The following LRP6 variants were observed in gnomAD, a reference collection of about 807,000 sequenced individuals.
LRP6 encodes the protein LDL receptor related protein 6.
Under a neutral mutation model 184.1 loss-of-function variants are expected in LRP6, and 43 were observed. That is an observed-to-expected ratio of 0.23 (90% CI 0.18 to 0.30). The LOEUF (loss-of-function observed/expected upper bound fraction) is 0.30. Ranked by LOEUF, LRP6 falls within the 10% of genes least tolerant of loss-of-function variation. The pLI is 1.00. For synonymous variants in LRP6, 719 were observed against 684.9 expected (o/e 1.05, Z -0.78); for missense variants, 1,571 against 2,005.3 (o/e 0.78, Z 4.14).
At chr12:12,238,832 T>C (rs1021498597) in intron 2 of LRP6, among the ~76,000 whole-genome samples, 2 of 152,064 alleles carry the variant, frequency 1.3e-5, no homozygotes, top group African/African-American at 4.8e-5. Context: ...AATAAGAAAT[T>C]GCTACACTGA....
At chr12:12,157,263 T>G (rs544947681) in intron 12 of LRP6, among the ~76,000 whole-genome samples, 1 of 152,068 alleles carries the variant, frequency 6.6e-6, no homozygotes, top group East Asian at 1.9e-4. Context: ...ACAGAACTCA[T>G]TAACAACTTC....
intron 16 of LRP6, 29 bp from the exon 17 acceptor site, chr12:12,135,329 G>A (rs371740508): frequency 1.6e-5 from 25 of 1,559,310 alleles, no homozygotes; most frequent in Admixed American, 5.0e-5. Flanking sequence ...AGGATGGGGA[G>A]AGGAGGGGGA....
At position 12,239,191 on chromosome 12, in the gene LRP6, G is replaced by C. The variant is rs973053419; in HGVS notation, c.449+5071C>G. Among the ~76,000 whole-genome samples, 7 of 152,296 alleles carry C rather than the reference G, an allele frequency of 4.6e-5. No individual in the cohort carries two copies. The East Asian group carries it at 1.4e-3, about 29-fold the overall frequency. Reference sequence around the variant, plus strand: ...AACAGAACATCCTTCAAAACTGTAAGTTGTTTACACCAAGATCCTTCATAC... The same window carrying C: ...AACAGAACATCCTTCAAAACTGTAACTTGTTTACACCAAGATCCTTCATAC... On this transcript the variant is annotated intron_variant, in intron 2 of 22. Transcript: ENST00000261349.
intron 3 of LRP6, among the ~76,000 whole-genome samples, chr12:12,191,598 CAAT>C (rs1242770546): frequency 6.6e-6 from 1 of 151,942 alleles, no homozygotes. Context: ...TTCCTACAGA[CAAT>C]AAAAAAGTAT....
intron 2 of LRP6, among the ~76,000 whole-genome samples, chr12:12,219,898 A>C (rs1273698299): frequency 6.6e-6 from 1 of 152,212 alleles, no homozygotes; most frequent in Non-Finnish European, 1.5e-5. Context: ...CGTAGAGGTC[A>C]AAGAGGAAGC....
intron 3 of LRP6, among the ~76,000 whole-genome samples, chr12:12,197,809 C>T (rs1276367041): frequency 2.0e-5 from 3 of 152,148 alleles, no homozygotes; most frequent in Admixed American, 6.5e-5. Context: ...TTTGGTAGGC[C>T]GAGACAGGTG....
At chr12:12,189,172 A>G (rs2137009910) in intron 3 of LRP6, among the ~76,000 whole-genome samples, 1 of 152,338 alleles carries the variant, frequency 6.6e-6, no homozygotes, top group African/African-American at 2.4e-5. Flanking sequence ...ATAAACTTAG[A>G]ACTCAGAGGT....
intron 7 of LRP6, among the ~76,000 whole-genome samples, chr12:12,175,830 T>C (rs7305037): frequency 0.39 from 59,831 of 151,532 alleles, 14,327 homozygotes; most frequent in East Asian, 0.72. Context: ...AACACACTGA[T>C]TTTGTCAATC....
intron 2 of LRP6, among the ~76,000 whole-genome samples, chr12:12,222,546 G>A (rs1481150085): frequency 1.4e-5 from 2 of 145,924 alleles, no homozygotes; most frequent in African/African-American, 2.5e-5. Flanking sequence ...CAGCCTGGGC[G>A]AGAAAGCAAG....
At chr12:12,262,040 C>T (rs373597779) in intron 1 of LRP6, among the ~76,000 whole-genome samples, 3 of 152,104 alleles carry the variant, frequency 2.0e-5, no homozygotes, top group East Asian at 1.9e-4. Context: ...GTCAGGAGTT[C>T]GAGACCAGCC....
At chr12:12,149,792 A>AT (rs1271772904) in intron 13 of LRP6, among the ~76,000 whole-genome samples, 3 of 152,244 alleles carry the variant, frequency 2.0e-5, no homozygotes, top group South Asian at 2.1e-4. Context: ...TACACATGCA[A>AT]TTTTTTTACA....
At chr12:12,122,877 A>G (rs767564487) in intron 22 of LRP6, among the ~76,000 whole-genome samples, 1 of 152,094 alleles carries the variant, frequency 6.6e-6, no homozygotes, top group African/African-American at 2.4e-5. Flanking sequence ...GCTGCCAGAG[A>G]CCAAAAGTTA....
At position 12,230,591 on chromosome 12, in the gene LRP6, A is replaced by G. The variant is rs7133893; in HGVS notation, c.449+13671T>C. On this transcript the variant is annotated intron_variant, in intron 2 of 22. Coordinates refer to ENST00000261349, the MANE Select transcript of LRP6 (RefSeq NM_002336.3). ...TACTTATATAATCCTATCCATAATTAAAATAAGTCATTAATATACATATTA... is the reference window on the plus strand; with the variant it reads ...TACTTATATAATCCTATCCATAATTGAAATAAGTCATTAATATACATATTA... 6.1e-3 allele frequency among the ~76,000 whole-genome samples: 923 copies of G among 152,334 alleles called. 6 individuals are homozygous for G. The highest frequency in any genetic ancestry group is 0.021 in the African/African-American group (876 of 41,570).
At chr12:12,125,864 A>G (rs570408835) in intron 20 of LRP6, among the ~76,000 whole-genome samples, 2 of 152,374 alleles carry the variant, frequency 1.3e-5, no homozygotes, top group East Asian at 3.9e-4. Flanking sequence ...TCTAATGAAT[A>G]TAAATGTTGC....
At chr12:12,164,130 A>T in intron 9 of LRP6, 143 bp downstream of exon 9, 5 of 548,448 alleles carry the variant, frequency 9.1e-6, no homozygotes, top group Admixed American at 3.7e-5. Flanking sequence ...ACACCGTTTA[A>T]AAAAAAAAAA....
At chr12:12,152,858 T>C (rs1235372858) in intron 12 of LRP6, among the ~76,000 whole-genome samples, 6 of 152,220 alleles carry the variant, frequency 3.9e-5, no homozygotes, top group African/African-American at 1.4e-4. Context: ...AAATGAATAC[T>C]GGCTTAAATC....
At chr12:12,183,218 TAGA>T (rs1402116352) in intron 5 of LRP6, among the ~76,000 whole-genome samples, 26 of 152,284 alleles carry the variant, frequency 1.7e-4, no homozygotes, top group African/African-American at 6.0e-4. Context: ...TTTTCAGAGT[TAGA>T]TAAAGAAGCC....
At chr12:12,148,829 G>A in intron 14 of LRP6, 113 bp downstream of exon 14, 1 of 816,160 alleles carries the variant, frequency 1.2e-6, no homozygotes. Flanking sequence ...AGAGAATATT[G>A]AATTGTTTGC....
intron 15 of LRP6, among the ~76,000 whole-genome samples, chr12:12,144,911 C>CG (rs1949981159): frequency 3.3e-5 from 1 of 30,014 alleles, no homozygotes; most frequent in Non-Finnish European, 6.1e-5. Context: ...TGGGGCCTGT[C>CG]GGGGGGTGGG....
Sources: gnomAD v4.1 joint callset for allele counts (sites outside exome capture counted in the v4.1 genomes callset) on GRCh38, gnomAD v4.1.1 for gene constraint, MANE v1.5 for transcripts, NCBI Gene and HGNC (gene_info 2026-07-23, HGNC 2026-07-21) for gene names.